Variants in ANKRD36 observed in about 807,000 individuals in gnomAD.
ANKRD36 encodes the protein ankyrin repeat domain 36.
In ANKRD36, 179 loss-of-function variants were observed where a neutral mutation model predicts 278.1. The ratio of observed to expected loss-of-function variants is 0.64; its 90% CI spans 0.57 to 0.73. The LOEUF is 0.73. ANKRD36 is among the 30% of genes least tolerant of loss of function. The pLI, the probability that ANKRD36 is intolerant of heterozygous loss-of-function variation, is 0.00. For synonymous variants in ANKRD36, 320 were observed against 641.1 expected (o/e 0.50, Z 7.57); for missense variants, 1,159 against 1,956.7 (o/e 0.59, Z 7.69).
At chr2:97,226,469 G>A (rs1208630364) in intron 67 of ANKRD36, among the ~76,000 whole-genome samples, 1 of 149,518 alleles carries the variant, frequency 6.7e-6, no homozygotes, top group African/African-American at 2.5e-5. Context: ...TTTTGATGGG[G>A]TTGTTTGTTT....
chr2:97,204,361 T>A (rs1175582903), intron 50 of ANKRD36, 98 bp downstream of exon 50: 1 of 1,365,084 alleles, frequency 7.3e-7, no homozygotes, highest in East Asian at 2.6e-5. Flanking sequence ...AAGCTGCACA[T>A]TCTGATTCAG....
At chr2:97,180,090 GCTGCTGGTC>G (rs942025279) in intron 24 of ANKRD36, among the ~76,000 whole-genome samples, 157 bp downstream of exon 24, 17 of 151,634 alleles carry the variant, frequency 1.1e-4, no homozygotes, top group Admixed American at 4.0e-4. Flanking sequence ...TGACCCTGAT[GCTGCTGGTC>G]CTTGGTCATG....
chr2:97,233,783 TCAAA>T lies in ANKRD36; in HGVS notation c.4008_4011del (p.Thr1337SerfsTer24), dbSNP rs1399491882. 8.7e-6 allele frequency: 13 copies of T among 1,495,820 alleles called. No homozygotes were observed. In the Admixed American group the frequency reaches 1.3e-4, roughly 15 times the overall value. 92.7% of individuals were successfully genotyped at this position (1,495,820 alleles called of 1,614,324 possible). ...ACCTTGATGACATAATTCAGTCATC[TCAAA>T]CAGTCTCAGAGGACGGTGACTCGCT... On this transcript the variant is annotated frameshift_variant, in exon 68 of 76. Coordinates refer to ENST00000420699, the MANE Select transcript of ANKRD36 (RefSeq NM_001354587.1). LOFTEE classifies it high-confidence loss of function.
At chr2:97,186,374 C>T (rs928472505) in intron 30 of ANKRD36, among the ~76,000 whole-genome samples, 55 of 150,764 alleles carry the variant, frequency 3.6e-4, no homozygotes, top group African/African-American at 1.2e-3. Context: ...AGTTCATCAA[C>T]TGACTCTTAA....
At chr2:97,195,006 T>G in intron 40 of ANKRD36, 89 bp downstream of exon 40, 1 of 1,485,846 alleles carries the variant, frequency 6.7e-7, no homozygotes, top group Non-Finnish European at 9.1e-7. Flanking sequence ...TGGTCAAAGA[T>G]GCACATTCTG....
intron 12 of ANKRD36, among the ~76,000 whole-genome samples, chr2:97,150,629 T>A (rs1367251653): frequency 6.6e-6 from 1 of 152,076 alleles, no homozygotes; most frequent in Admixed American, 6.5e-5. Flanking sequence ...GTGAGTTATG[T>A]TGAGAAAATA....
chr2:97,130,332 A>C (rs1187837019), intron 6 of ANKRD36, among the ~76,000 whole-genome samples: 1 of 151,808 alleles, frequency 6.6e-6, no homozygotes, highest in African/African-American at 2.4e-5. Flanking sequence ...CACTCTCAGC[A>C]AACTATGGCA....
intron 24 of ANKRD36, 137 bp from the exon 25 acceptor site, chr2:97,181,461 C>G (rs2056175384): frequency 8.4e-6 from 9 of 1,067,952 alleles, no homozygotes; most frequent in Non-Finnish European, 1.2e-5. Context: ...TTCCAGTCTC[C>G]AGACAAAAAG....
chr2:97,211,158 T>C (rs1421819285), intron 56 of ANKRD36, among the ~76,000 whole-genome samples: 5 of 151,904 alleles, frequency 3.3e-5, no homozygotes, highest in Non-Finnish European at 5.9e-5. Context: ...GTAAATCCTT[T>C]TGATTTGTTG....
chr2:97,185,641 G>A, intron 30 of ANKRD36, 131 bp downstream of exon 30: 2 of 1,207,114 alleles, frequency 1.7e-6, no homozygotes, highest in East Asian at 2.5e-5. Context: ...TTCTTCATTT[G>A]TAATAAGTTC....
chr2:97,150,835 A>T (rs911394986), intron 12 of ANKRD36, among the ~76,000 whole-genome samples: 1 of 152,192 alleles, frequency 6.6e-6, no homozygotes, highest in African/African-American at 2.4e-5. Flanking sequence ...CTGAATAAAA[A>T]TTCTTTCTCC....
At chr2:97,208,311 A>G (rs1165151858) in intron 54 of ANKRD36, among the ~76,000 whole-genome samples, 3 of 146,834 alleles carry the variant, frequency 2.0e-5, no homozygotes, top group South Asian at 4.2e-4. Context: ...GTTTTCAGTA[A>G]GGGTGGAAGG....
intron 66 of ANKRD36, among the ~76,000 whole-genome samples, chr2:97,224,498 A>G (rs1050870583): frequency 3.4e-5 from 5 of 148,212 alleles, no homozygotes; most frequent in African/African-American, 1.0e-4. Flanking sequence ...CCCAGGCTGG[A>G]GGTGCAGTGG....
At chr2:97,230,524 T>C (rs2071581686) in intron 67 of ANKRD36, among the ~76,000 whole-genome samples, 3 of 152,086 alleles carry the variant, frequency 2.0e-5, no homozygotes, top group African/African-American at 7.2e-5. Context: ...TTGGTTATTC[T>C]AGGTATACAT....
chr2:97,161,259 G>A (rs201857068), intron 17 of ANKRD36, among the ~76,000 whole-genome samples: 2 of 151,994 alleles, frequency 1.3e-5, no homozygotes, highest in African/African-American at 4.8e-5. Flanking sequence ...TCTGTCATCT[G>A]GCTTCCCAAT....
intron 13 of ANKRD36, among the ~76,000 whole-genome samples, 171 bp from the exon 14 acceptor site, chr2:97,152,333 G>A (rs1338776484): frequency 2.0e-5 from 3 of 148,808 alleles, no homozygotes; most frequent in Non-Finnish European, 4.5e-5. Flanking sequence ...ATAGAGTCTT[G>A]CTATGTTACC....
At chr2:97,183,768 C>G (rs1661639120) in intron 28 of ANKRD36, 114 bp downstream of exon 28, 1 of 1,365,468 alleles carries the variant, frequency 7.3e-7, no homozygotes, top group Non-Finnish European at 1.0e-6. Flanking sequence ...TTCAGCAGGC[C>G]TGAGATTATG....
At chr2:97,165,446 T>C (rs1419432875) in intron 20 of ANKRD36, among the ~76,000 whole-genome samples, 3 of 152,184 alleles carry the variant, frequency 2.0e-5, no homozygotes, top group Admixed American at 1.3e-4. Flanking sequence ...TGGTTGCCTT[T>C]ATTGATTTGT....
At position 97,164,331 on chromosome 2, in the gene ANKRD36, T is replaced by G; in HGVS notation, c.1458+20T>G. On this transcript the variant is annotated intron_variant, in intron 19 of 75. Transcript: ENST00000420699. Reference sequence around the variant, plus strand: ...TTCACGGTAAACATATTTTCTTTAATTATTAACAAAATGCTCTGTGATATA... The same window carrying G: ...TTCACGGTAAACATATTTTCTTTAAGTATTAACAAAATGCTCTGTGATATA... 8 of 1,535,060 alleles carry G rather than the reference T, an allele frequency of 5.2e-6. No homozygotes were observed. In the South Asian group the frequency reaches 7.2e-5, roughly 14 times the overall value.
Sources: gnomAD v4.1 joint callset for allele counts (sites outside exome capture counted in the v4.1 genomes callset) on GRCh38, gnomAD v4.1.1 for gene constraint, MANE v1.5 for transcripts, NCBI Gene and HGNC (gene_info 2026-07-23, HGNC 2026-07-21) for gene names.